The following NTRK3 variants were observed in gnomAD, a reference collection of about 807,000 sequenced individuals.
NTRK3 encodes NT-3 growth factor receptor.
A neutral mutation model predicts 91.7 loss-of-function variants in NTRK3; 24 were observed. That is an observed-to-expected ratio of 0.26 (90% CI 0.19 to 0.37). The LOEUF (loss-of-function observed/expected upper bound fraction) is 0.37. NTRK3 is among the 10% of genes least tolerant of loss of function. The probability of loss-of-function intolerance (pLI) is 1.00; values close to 1 mark genes in which losing one functional copy is unlikely to be tolerated. For missense variants in NTRK3, 880 were observed against 1,068.9 expected (o/e 0.82, Z 2.46); for synonymous variants, 483 against 404.0 (o/e 1.20, Z -2.34).
At chr15:88,128,536 G>C (rs1193116258) in intron 11 of NTRK3, among the ~76,000 whole-genome samples, 175 bp downstream of exon 11, 1 of 152,126 alleles carries the variant, frequency 6.6e-6, no homozygotes, top group Non-Finnish European at 1.5e-5. Context: ...AAGTGGGCTT[G>C]GAACTGCCTA....
At chr15:88,176,270 G>T (rs530476271) in intron 5 of NTRK3, among the ~76,000 whole-genome samples, 2 of 151,004 alleles carry the variant, frequency 1.3e-5, no homozygotes, top group Admixed American at 6.6e-5. Context: ...CTGAGTAGTT[G>T]GGACTACAGG....
In NTRK3 at chr15:88,243,408, G is replaced by A. The variant is rs574395792; in HGVS notation, c.248+12498C>T. On this transcript the variant is annotated intron_variant, in intron 3 of 18. Coordinates refer to ENST00000394480, the Ensembl canonical transcript of NTRK3. The surrounding 1 kb of genome is among the most constrained non-coding windows in gnomAD (Gnocchi z 4.8). ...AGAGGCTGCAAGGATGAGAGCCAGG[G>A]TCACCCCAAACCAGCCTCAGAGCTA... 1.3e-5 allele frequency among the ~76,000 whole-genome samples: 2 copies of A among 152,176 alleles called. No individual in the cohort carries two copies. The highest frequency in any genetic ancestry group is 2.4e-5 in the African/African-American group (1 of 41,494).
At chr15:88,049,803 G>C (rs1056472662) in intron 13 of NTRK3, among the ~76,000 whole-genome samples, 1 of 152,208 alleles carries the variant, frequency 6.6e-6, no homozygotes, top group Non-Finnish European at 1.5e-5. Context: ...GTTGGGAGCA[G>C]AGAAACTTGA....
intron 13 of NTRK3, among the ~76,000 whole-genome samples, chr15:88,089,377 G>A (rs9672679): frequency 0.025 from 3,745 of 152,256 alleles, 143 homozygotes; most frequent in African/African-American, 0.08. Flanking sequence ...AGAGATGTAC[G>A]TGGAGATTTA....
intron 5 of NTRK3, among the ~76,000 whole-genome samples, chr15:88,182,156 A>C (rs867330952): frequency 2.6e-5 from 4 of 152,142 alleles, no homozygotes; most frequent in Non-Finnish European, 1.5e-5. Context: ...GGCCCTGAAC[A>C]GTGACCACAG....
At chr15:87,878,014 G>A (rs923714053) in intron 18 of NTRK3, among the ~76,000 whole-genome samples, 1 of 152,082 alleles carries the variant, frequency 6.6e-6, no homozygotes, top group East Asian at 1.9e-4. Context: ...AATTTGCAAT[G>A]CATTTCCAAT....
intron 3 of NTRK3, among the ~76,000 whole-genome samples, chr15:88,200,959 C>A (rs866894094): frequency 6.6e-6 from 1 of 152,248 alleles, no homozygotes; most frequent in African/African-American, 2.4e-5. Flanking sequence ...AGCACACCAT[C>A]ATCTTTCCTT....
intron 14 of NTRK3, among the ~76,000 whole-genome samples, chr15:87,971,085 G>A (rs1442811020): frequency 6.6e-6 from 1 of 152,200 alleles, no homozygotes; most frequent in Non-Finnish European, 1.5e-5. Context: ...CAAATTGACA[G>A]CCATAAAGAT....
chr15:87,923,966 T>G (rs140676458), intron 17 of NTRK3, among the ~76,000 whole-genome samples: 6 of 152,154 alleles, frequency 3.9e-5, no homozygotes, highest in Non-Finnish European at 8.8e-5. Flanking sequence ...CTGCCTAGCC[T>G]CCAGAACCAT....
intron 13 of NTRK3, among the ~76,000 whole-genome samples, chr15:88,058,721 A>G (rs756448217): frequency 6.6e-6 from 1 of 152,148 alleles, no homozygotes; most frequent in Non-Finnish European, 1.5e-5. Flanking sequence ...ACCTGCCCAC[A>G]AGCCACATGG....
intron 6 of NTRK3, among the ~76,000 whole-genome samples, chr15:88,146,150 A>G (rs2042871458): frequency 6.6e-6 from 1 of 152,236 alleles, no homozygotes; most frequent in Admixed American, 6.5e-5. Context: ...CAGTGTTAGT[A>G]GTAAATCGTA....
chr15:87,950,283 C>A (rs1314537555), intron 14 of NTRK3, among the ~76,000 whole-genome samples: 2 of 152,326 alleles, frequency 1.3e-5, no homozygotes, highest in East Asian at 3.9e-4. Flanking sequence ...ACAGGGTGAA[C>A]CGTAGAAGGG....
intron 13 of NTRK3, among the ~76,000 whole-genome samples, chr15:88,056,622 T>G (rs748952991): frequency 3.9e-5 from 6 of 152,244 alleles, no homozygotes; most frequent in Non-Finnish European, 7.3e-5. Flanking sequence ...GACTGCATTT[T>G]CACAGAAATG....
At chr15:88,136,343 G>A in intron 8 of NTRK3, 124 bp downstream of exon 8, 1 of 1,237,732 alleles carries the variant, frequency 8.1e-7, no homozygotes, top group Non-Finnish European at 1.2e-6. Flanking sequence ...TATTGCAGCT[G>A]CATGTAACCC....
At chr15:87,892,769 G>C (rs1246465260) in intron 17 of NTRK3, among the ~76,000 whole-genome samples, 1 of 152,106 alleles carries the variant, frequency 6.6e-6, no homozygotes, top group Non-Finnish European at 1.5e-5. Flanking sequence ...AATTATGATA[G>C]AGTGGCCAAT....
At chr15:88,164,543 ATGT>A (rs972415466) in intron 5 of NTRK3, among the ~76,000 whole-genome samples, 3 of 152,076 alleles carry the variant, frequency 2.0e-5, no homozygotes, top group Admixed American at 2.0e-4. Context: ...GCCAAAGCCC[ATGT>A]TGTTTTGTTC....
intron 3 of NTRK3, among the ~76,000 whole-genome samples, chr15:88,250,999 G>T (rs1251929359): frequency 6.6e-6 from 1 of 152,236 alleles, no homozygotes; most frequent in Non-Finnish European, 1.5e-5. Flanking sequence ...TCTTTTCCTG[G>T]CCCTGAGCCC....
At chr15:88,124,313 G>GA (rs2053052568) in intron 13 of NTRK3, among the ~76,000 whole-genome samples, 1 of 152,218 alleles carries the variant, frequency 6.6e-6, no homozygotes, top group South Asian at 2.1e-4. Flanking sequence ...CTGCCTGGGA[G>GA]AGGGGAGCAG....
intron 17 of NTRK3, among the ~76,000 whole-genome samples, chr15:87,890,428 T>G (rs1199937946): frequency 6.6e-6 from 1 of 152,204 alleles, no homozygotes; most frequent in Non-Finnish European, 1.5e-5. Context: ...CACTGGAAAC[T>G]GTTTATACAG....
Sources: allele counts gnomAD v4.1 joint callset (sites outside exome capture counted in the v4.1 genomes callset), GRCh38; gene constraint gnomAD v4.1.1; non-coding constraint Gnocchi (gnomAD v3.1); transcripts MANE v1.5; gene names NCBI Gene and HGNC (gene_info 2026-07-23, HGNC 2026-07-21).